The following TMEM108 variants were observed in gnomAD, a reference collection of about 807,000 sequenced individuals.
The protein encoded by TMEM108 is cancer/testis antigen 124.
A neutral mutation model predicts 35.1 loss-of-function variants in TMEM108; 12 were observed. The ratio of observed to expected loss-of-function variants is 0.34; its 90% CI spans 0.22 to 0.55. TMEM108 has a LOEUF of 0.55. Ranked by LOEUF, TMEM108 falls within the 20% of genes least tolerant of loss-of-function variation. The probability of loss-of-function intolerance (pLI) is 0.89; values close to 1 mark genes in which losing one functional copy is unlikely to be tolerated. For missense variants in TMEM108, 680 were observed against 753.3 expected, an observed-to-expected ratio of 0.90 and a Z score of 1.14; for synonymous variants, 287 against 308.6, an observed-to-expected ratio of 0.93 and a Z score of 0.73.
chr3:133,264,309 A>T (rs1946667062), intron 3 of TMEM108, among the ~76,000 whole-genome samples: 1 of 151,936 alleles, frequency 6.6e-6, no homozygotes, highest in Admixed American at 6.6e-5. Flanking sequence ...AGTCTCAAAA[A>T]AAAAAATTCA....
At chr3:133,394,767 A>AGAC (rs2073281897) in intron 5 of TMEM108, among the ~76,000 whole-genome samples, 1 of 152,270 alleles carries the variant, frequency 6.6e-6, no homozygotes, top group African/African-American at 2.4e-5. Context: ...TGTCTTCTGA[A>AGAC]AAGACATTTT....
intron 2 of TMEM108, among the ~76,000 whole-genome samples, chr3:133,199,840 T>C (rs961018095): frequency 2.2e-4 from 33 of 152,182 alleles, no homozygotes; most frequent in African/African-American, 7.5e-4. Flanking sequence ...GCTGCCTTTT[T>C]TTCAGCTATG....
At chr3:133,085,317 C>G (rs1303436915) in intron 2 of TMEM108, among the ~76,000 whole-genome samples, 2 of 152,148 alleles carry the variant, frequency 1.3e-5, no homozygotes, top group Non-Finnish European at 2.9e-5. Flanking sequence ...TGATGGATGT[C>G]TGAAGGATAA....
intron 2 of TMEM108, among the ~76,000 whole-genome samples, chr3:133,200,125 A>G (rs991117674): frequency 4.6e-5 from 7 of 152,186 alleles, no homozygotes; most frequent in African/African-American, 1.7e-4. Flanking sequence ...AAAGCGCAGT[A>G]TTAGGGTAGG....
intron 3 of TMEM108, among the ~76,000 whole-genome samples, chr3:133,298,203 T>A (rs1947172367): frequency 1.3e-5 from 2 of 152,142 alleles, no homozygotes; most frequent in African/African-American, 2.4e-5. Flanking sequence ...AAGATAGTTT[T>A]TATTAGTAGG....
intron 2 of TMEM108, among the ~76,000 whole-genome samples, chr3:133,050,777 A>G (rs4854684): frequency 3.3e-5 from 5 of 151,192 alleles, no homozygotes; most frequent in Non-Finnish European, 1.5e-5. Context: ...GCCTTTTCAG[A>G]TTGGCTTATT....
At chr3:133,311,922 G>C (rs2071133653) in intron 3 of TMEM108, among the ~76,000 whole-genome samples, 1 of 152,148 alleles carries the variant, frequency 6.6e-6, no homozygotes, top group Admixed American at 6.5e-5. Flanking sequence ...TGTTGATGTT[G>C]GTGCTATTCC....
chr3:133,139,414 T>TG (rs1291247131), intron 2 of TMEM108, among the ~76,000 whole-genome samples: 1 of 152,224 alleles, frequency 6.6e-6, no homozygotes, highest in African/African-American at 2.4e-5. Context: ...CTCTTGTTCT[T>TG]AAAGTGTTCA....
intron 3 of TMEM108, among the ~76,000 whole-genome samples, chr3:133,260,545 T>C (rs1214008060): frequency 6.6e-6 from 1 of 152,132 alleles, no homozygotes; most frequent in African/African-American, 2.4e-5. Context: ...AGAGGGCCAA[T>C]TGTGGTCAGA....
At chr3:133,254,504 G>A (rs910897648) in intron 3 of TMEM108, among the ~76,000 whole-genome samples, 27 of 152,152 alleles carry the variant, frequency 1.8e-4, no homozygotes, top group African/African-American at 6.3e-4. Flanking sequence ...TCTCAACCAA[G>A]GTGCCTCAAG....
intron 5 of TMEM108, among the ~76,000 whole-genome samples, chr3:133,392,053 C>A (rs1445493552): frequency 6.6e-6 from 1 of 152,136 alleles, no homozygotes; most frequent in Non-Finnish European, 1.5e-5. Flanking sequence ...CTCAGGCTCT[C>A]CCCCAGCTCC....
intron 3 of TMEM108, among the ~76,000 whole-genome samples, chr3:133,355,815 A>C (rs1016963516): frequency 2.0e-5 from 3 of 152,202 alleles, no homozygotes; most frequent in Non-Finnish European, 2.9e-5. Flanking sequence ...GAGTTCTTTC[A>C]ATAAGGATAG....
rs111365644 is a variant in TMEM108 at position 133,240,439 on chromosome 3, A to G, written c.40+11088A>G. Among the ~76,000 whole-genome samples the G allele has an allele frequency of 9.9e-3, 1,505 of 152,330 alleles. 24 individuals carry two copies. Among genetic ancestry groups the G allele is most frequent in the African/African-American group, 0.034 (1,393 of 41,560 alleles). On this transcript the variant is annotated intron_variant, in intron 3 of 5. Coordinates refer to ENST00000321871, the MANE Select transcript of TMEM108 (RefSeq NM_023943.4). The stretch of plus-strand genomic sequence containing the variant: ...GACATTCTCATTGTAAACAATGCCA[A>G]TGGGGACTAAGAAAAAATATTTTAA...
At chr3:133,283,923 G>A (rs557584745) in intron 3 of TMEM108, among the ~76,000 whole-genome samples, 1 of 152,304 alleles carries the variant, frequency 6.6e-6, no homozygotes, top group African/African-American at 2.4e-5. Flanking sequence ...CAAGACTTGT[G>A]CAGAATGTTT....
chr3:133,183,534 TC>T (rs1288132512), intron 2 of TMEM108, among the ~76,000 whole-genome samples: 1 of 152,132 alleles, frequency 6.6e-6, no homozygotes, highest in Non-Finnish European at 1.5e-5. Flanking sequence ...AAGGCCTGCT[TC>T]TGTCCTGGCC....
chr3:133,154,037 C>T (rs1346885499), intron 2 of TMEM108, among the ~76,000 whole-genome samples: 13 of 138,078 alleles, frequency 9.4e-5, no homozygotes, highest in African/African-American at 3.0e-4. Flanking sequence ...CTTTTTTTTT[C>T]GTTTTTTAAA....
intron 1 of TMEM108, among the ~76,000 whole-genome samples, chr3:133,044,762 T>C (rs935616176): frequency 6.6e-6 from 1 of 152,154 alleles, no homozygotes; most frequent in Admixed American, 6.5e-5. Context: ...GAGACCACCC[T>C]GGATAACATA....
chr3:133,111,933 G>A (rs1944229746), intron 2 of TMEM108, among the ~76,000 whole-genome samples: 1 of 152,198 alleles, frequency 6.6e-6, no homozygotes, highest in Admixed American at 6.6e-5. Context: ...GTTCTGTGGG[G>A]AGAGAGGTGG....
intron 2 of TMEM108, among the ~76,000 whole-genome samples, chr3:133,220,631 C>G (rs911244718): frequency 1.3e-5 from 2 of 152,174 alleles, no homozygotes; most frequent in Non-Finnish European, 2.9e-5. Flanking sequence ...ACTTCTGACA[C>G]CAAATGTGTG....
Sources: gnomAD v4.1 joint callset for allele counts (sites outside exome capture counted in the v4.1 genomes callset) on GRCh38, gnomAD v4.1.1 for gene constraint, MANE v1.5 for transcripts, NCBI Gene and HGNC (gene_info 2026-07-23, HGNC 2026-07-21) for gene names.